Variants in CLEC4C observed in about 807,000 individuals in gnomAD.
The protein encoded by CLEC4C is C-type lectin domain family 4 member C, also known as C-type (calcium dependent, carbohydrate-recognition domain) lectin, superfamily member 11.
Under a neutral mutation model 27.7 loss-of-function variants are expected in CLEC4C, and 17 were observed. That is an observed-to-expected ratio of 0.61 (90% CI 0.42 to 0.92). The LOEUF is 0.92. Ranked by LOEUF, CLEC4C falls within the 40% of genes least tolerant of loss-of-function variation. CLEC4C has a pLI of 0.00. For missense variants in CLEC4C, 244 were observed against 257.3 expected, an observed-to-expected ratio of 0.95 and a Z score of 0.35; for synonymous variants, 80 against 80.8, an observed-to-expected ratio of 0.99 and a Z score of 0.06.
intron 2 of CLEC4C, 29 bp downstream of exon 2, chr12:7,746,302 A>G (rs1013597211): frequency 7.9e-7 from 1 of 1,273,718 alleles, no homozygotes; most frequent in South Asian, 1.2e-5. Context: ...AAGGACCAAG[A>G]GATGACTGCA....
chr12:7,741,547 C>T lies in CLEC4C; in HGVS notation c.125-16G>A, dbSNP rs751714344. 23 of 1,350,046 alleles carry T rather than the reference C, an allele frequency of 1.7e-5. No individual in the cohort carries two copies. Among genetic ancestry groups the T allele is most frequent in the African/African-American group, 2.9e-5 (2 of 69,906 alleles). 83.6% of individuals were successfully genotyped at this position (1,350,046 alleles called of 1,614,324 possible). On this transcript the variant is annotated splice_polypyrimidine_tract_variant and intron_variant, in intron 2 of 5. Coordinates refer to ENST00000360345, the MANE Select transcript of CLEC4C (RefSeq NM_001371390.1). ...TTGTGAGGCACTGGGAAAGAGAAAT[C>T]GGAGTTAGTTCTCATTCTTTTAAGT...
chr12:7,734,795 G>T (rs1162616983), intron 4 of CLEC4C, among the ~76,000 whole-genome samples: 1 of 151,208 alleles, frequency 6.6e-6, no homozygotes, highest in African/African-American at 2.4e-5. Context: ...TGATCCACCC[G>T]CCTCAGCCTC....
At chr12:7,741,274 C>G (rs1864848022) in intron 3 of CLEC4C, 147 bp downstream of exon 3, 1 of 582,950 alleles carries the variant, frequency 1.7e-6, no homozygotes, top group Non-Finnish European at 3.1e-6. Context: ...CCTGAGGTGT[C>G]TATTTAAGAT....
At position 7,729,653 on chromosome 12, in the gene CLEC4C, G is replaced by A. The variant is rs1565458191; in HGVS notation, c.585C>T (p.Asp195=). Residue 195 remains aspartate, a synonymous_variant, in exon 6 of 6, where the codon GAC becomes GAT. Transcript: ENST00000360345. The stretch of plus-strand genomic sequence containing the variant: ...ACTTCTGAGGTACATGACAGTGAAT[G>A]TCATTCCAGCCCCATTCTTCTGAAG... The part of the protein sequence containing the change: ...FRSSEEWGWN[D]IHCHVPQKSI... 6.2e-7 allele frequency: 1 copy of A among 1,613,816 alleles called. No individual in the cohort carries two copies. The highest frequency in any genetic ancestry group is 1.3e-5 in the African/African-American group (1 of 75,024).
intron 3 of CLEC4C, among the ~76,000 whole-genome samples, chr12:7,739,850 T>A (rs1241867133): frequency 2.6e-5 from 4 of 151,244 alleles, no homozygotes; most frequent in Admixed American, 6.6e-5. Flanking sequence ...TCGGTAATTT[T>A]TTTTTTTTTT....
At chr12:7,741,386 C>A in intron 3 of CLEC4C, 35 bp downstream of exon 3, 2 of 1,124,202 alleles carry the variant, frequency 1.8e-6, no homozygotes. Context: ...TGATTAATAG[C>A]AAGGGAAGTC....
At chr12:7,734,135 C>T (rs763120707) in intron 4 of CLEC4C, among the ~76,000 whole-genome samples, 32 of 152,228 alleles carry the variant, frequency 2.1e-4, no homozygotes, top group South Asian at 4.1e-4. Context: ...TGAACATATA[C>T]GAGACATTGT....
rs111827444 is a variant in CLEC4C, at chr12:7,741,041, C to T, written c.235+380G>A. ...ATTTTTAGTAGGGACAGGGTTTCAC[C>T]GTGGTCTCGATCTCCTGACCTCGTG... is the stretch of plus-strand genomic sequence containing the variant. On this transcript the variant is annotated intron_variant, in intron 3 of 5. Coordinates refer to ENST00000360345, the MANE Select transcript of CLEC4C (RefSeq NM_001371390.1). Among the ~76,000 whole-genome samples, 1,173 of 152,110 alleles carry T rather than the reference C, an allele frequency of 7.7e-3. 11 individuals carry two copies. Among genetic ancestry groups the T allele is most frequent in the African/African-American group, 0.027 (1,116 of 41,550 alleles).
At chr12:7,733,619 C>A (rs1864650884) in intron 4 of CLEC4C, among the ~76,000 whole-genome samples, 1 of 151,156 alleles carries the variant, frequency 6.6e-6, no homozygotes, top group Non-Finnish European at 1.5e-5. Context: ...GTAGCTGGAA[C>A]TACAGGCTCC....
intron 4 of CLEC4C, among the ~76,000 whole-genome samples, chr12:7,732,165 G>A (rs1321721314): frequency 6.6e-6 from 1 of 151,838 alleles, no homozygotes; most frequent in South Asian, 2.1e-4. Context: ...AAGTAGCTGG[G>A]ATAACAGGCA....
chr12:7,747,184 C>T (rs1416630351), intron 1 of CLEC4C, 134 bp downstream of exon 1: 2 of 826,176 alleles, frequency 2.4e-6, no homozygotes, highest in African/African-American at 3.4e-5. Context: ...TACCTGTTTC[C>T]ATACTGAAAT....
intron 2 of CLEC4C, among the ~76,000 whole-genome samples, chr12:7,745,481 G>A (rs1463180079): frequency 8.0e-6 from 1 of 125,502 alleles, no homozygotes; most frequent in African/African-American, 3.0e-5. Flanking sequence ...CACCCAGGCT[G>A]GAGTGCAGTG....
Position 7,740,528 on chromosome 12 carries a change from C to T in CLEC4C, c.235+893G>A, listed in dbSNP as rs765167965. Among the ~76,000 whole-genome samples the T allele has an allele frequency of 7.4e-4, 112 of 151,528 alleles. 2 individuals are homozygous for T. Among genetic ancestry groups the T allele is most frequent in the Non-Finnish European group, 2.6e-4 (18 of 67,930 alleles). On this transcript the variant is annotated intron_variant, in intron 3 of 5. Transcript: ENST00000360345. ...CAGCCTGGACAACAAGGTGAAACCC[C>T]GTCTCTACTAAAATACAAAAAAATT...
chr12:7,741,680 G>A (rs1864859750), intron 2 of CLEC4C, 149 bp from the exon 3 acceptor site: 1 of 554,810 alleles, frequency 1.8e-6, no homozygotes, highest in East Asian at 3.0e-5. Flanking sequence ...TTGAGGTCGG[G>A]AGTTAGAGAC....
chr12:7,740,606 C>T (rs1353849268), intron 3 of CLEC4C, among the ~76,000 whole-genome samples: 1 of 151,542 alleles, frequency 6.6e-6, no homozygotes, highest in Non-Finnish European at 1.5e-5. Flanking sequence ...GAGGCCGAGG[C>T]AGGAGAACTG....
At chr12:7,742,541 G>A (rs1479256104) in intron 2 of CLEC4C, among the ~76,000 whole-genome samples, 1 of 148,752 alleles carries the variant, frequency 6.7e-6, no homozygotes, top group East Asian at 2.0e-4. Flanking sequence ...TGGGCACAGT[G>A]GCTCATGCTT....
intron 3 of CLEC4C, among the ~76,000 whole-genome samples, chr12:7,739,996 G>A (rs113923865): frequency 0.1 from 15,897 of 151,762 alleles, 1,132 homozygotes; most frequent in Middle Eastern, 0.22. Context: ...CACCACGCCC[G>A]GGTAATTTTG....
At position 7,733,534 on chromosome 12, in the gene CLEC4C, T is replaced by A. The variant is rs777010601; in HGVS notation, c.382-2622A>T. Among the ~76,000 whole-genome samples, 5 of 144,784 alleles carry A rather than the reference T, an allele frequency of 3.5e-5. No homozygotes were observed. In the South Asian group the frequency reaches 1.1e-3, roughly 32 times the overall value. 95.0% of individuals were successfully genotyped at this position (144,784 alleles called of 152,430 possible). ...TCTTGCTCTGTCGCCCAGGCTAGAG[T>A]GCAGTGGCGAGATCTTGGCTCACTG... On this transcript the variant is annotated intron_variant, in intron 4 of 5. Coordinates refer to ENST00000360345, the MANE Select transcript of CLEC4C (RefSeq NM_001371390.1).
intron 4 of CLEC4C, among the ~76,000 whole-genome samples, chr12:7,736,650 T>C (rs945247109): frequency 6.6e-6 from 1 of 152,210 alleles, no homozygotes; most frequent in Admixed American, 6.6e-5. Context: ...GGCTCACACC[T>C]GTAATCCCAG....
Sources: allele counts gnomAD v4.1 joint callset (sites outside exome capture counted in the v4.1 genomes callset), GRCh38; gene constraint gnomAD v4.1.1; transcripts MANE v1.5; gene names NCBI Gene and HGNC (gene_info 2026-07-23, HGNC 2026-07-21).